The following STRN3 variants were observed in gnomAD, a reference collection of about 807,000 sequenced individuals.
The protein encoded by STRN3 is striatin-3.
In STRN3, 29 loss-of-function variants were observed where a neutral mutation model predicts 95.6. That is an observed-to-expected ratio of 0.30 (90% CI 0.23 to 0.41). The LOEUF (loss-of-function observed/expected upper bound fraction) is 0.41, where lower values mean the gene tolerates loss of function less well. Ranked by LOEUF, STRN3 falls within the 10% of genes least tolerant of loss-of-function variation. The probability of loss-of-function intolerance (pLI) is 1.00; values close to 1 mark genes in which losing one functional copy is unlikely to be tolerated. For synonymous variants in STRN3, 331 were observed against 357.6 expected, an observed-to-expected ratio of 0.93 and a Z score of 0.84; for missense variants, 890 against 972.1, an observed-to-expected ratio of 0.92 and a Z score of 1.12.
At chr14:30,922,056 T>A (rs1469971318) in intron 8 of STRN3, among the ~76,000 whole-genome samples, 1 of 151,390 alleles carries the variant, frequency 6.6e-6, no homozygotes, top group African/African-American at 2.4e-5. Flanking sequence ...TTGGCTAATT[T>A]AAAAAAAAAT....
At chr14:30,918,118 G>A (rs943977428) in intron 9 of STRN3, among the ~76,000 whole-genome samples, 1 of 152,066 alleles carries the variant, frequency 6.6e-6, no homozygotes, top group South Asian at 2.1e-4. Flanking sequence ...ACTAGGTAGC[G>A]TATACTTGCT....
At chr14:30,941,730 A>T (rs920601325) in intron 5 of STRN3, among the ~76,000 whole-genome samples, 25 of 152,056 alleles carry the variant, frequency 1.6e-4, no homozygotes, top group Admixed American at 1.6e-3. Context: ...GGTTCAAGCG[A>T]TTCTCATGCC....
At chr14:30,987,293 G>A (rs1267092851) in intron 1 of STRN3, among the ~76,000 whole-genome samples, 1 of 152,136 alleles carries the variant, frequency 6.6e-6, no homozygotes, top group Non-Finnish European at 1.5e-5. Context: ...GGATCACAGG[G>A]TCAGGAGATC....
intron 1 of STRN3, among the ~76,000 whole-genome samples, chr14:30,966,285 G>C (rs1594510113): frequency 6.6e-6 from 1 of 152,164 alleles, no homozygotes; most frequent in East Asian, 1.9e-4. Flanking sequence ...TGTTCCATCT[G>C]TAAGGGTGCA....
intron 1 of STRN3, among the ~76,000 whole-genome samples, chr14:31,020,467 C>T (rs1166244464): frequency 1.3e-5 from 2 of 151,724 alleles, no homozygotes; most frequent in African/African-American, 4.8e-5. Context: ...CCACTGTACT[C>T]CAGCCTGAGT....
intron 1 of STRN3, among the ~76,000 whole-genome samples, chr14:31,016,880 T>C (rs1042465674): frequency 6.6e-6 from 1 of 152,172 alleles, no homozygotes; most frequent in Non-Finnish European, 1.5e-5. Flanking sequence ...ACTAGCCAGG[T>C]GCAGTAGCTG....
intron 1 of STRN3, among the ~76,000 whole-genome samples, chr14:30,963,646 G>C (rs923688903): frequency 1.3e-5 from 2 of 152,116 alleles, no homozygotes; most frequent in African/African-American, 4.8e-5. Flanking sequence ...CTGACCTCAA[G>C]TGATCTGCCC....
chr14:30,902,171 CAAAAAAAAAAAAAAAAAAAAAAA>C (rs71112350), intron 16 of STRN3, among the ~76,000 whole-genome samples: 451 of 39,876 alleles, frequency 0.011, 7 homozygotes, highest in African/African-American at 0.044. Context: ...AACTCCGCCT[CAAAAAAAAAAAAAAAAAAAAAAA>C]AAAAAAAAAA....
intron 16 of STRN3, among the ~76,000 whole-genome samples, chr14:30,901,597 TTAGC>T (rs1327971449): frequency 6.6e-6 from 1 of 152,200 alleles, no homozygotes; most frequent in African/African-American, 2.4e-5. Flanking sequence ...CCTGACTGTT[TTAGC>T]CTCTCCTCAA....
chr14:30,959,507 GATA>G (rs887719994), intron 1 of STRN3, among the ~76,000 whole-genome samples: 50 of 152,120 alleles, frequency 3.3e-4, no homozygotes, highest in African/African-American at 1.2e-3. Context: ...ACCTGATAGT[GATA>G]ATAACATAAT....
chr14:30,963,007 C>T (rs879710071), intron 1 of STRN3, among the ~76,000 whole-genome samples: 2 of 152,174 alleles, frequency 1.3e-5, no homozygotes, highest in Admixed American at 6.5e-5. Context: ...TGTAAGCATA[C>T]TCTGTGATGT....
At chr14:30,985,587 G>A (rs1881647739) in intron 1 of STRN3, among the ~76,000 whole-genome samples, 1 of 114,656 alleles carries the variant, frequency 8.7e-6, no homozygotes, top group African/African-American at 3.4e-5. Context: ...TGGGCAACGA[G>A]AGCGAAACTC....
intron 1 of STRN3, among the ~76,000 whole-genome samples, chr14:30,990,896 G>T (rs1028219874): frequency 6.6e-6 from 1 of 152,186 alleles, no homozygotes; most frequent in African/African-American, 2.4e-5. Flanking sequence ...CAGTACAGAT[G>T]CAACAGTCCT....
intron 7 of STRN3, among the ~76,000 whole-genome samples, chr14:30,932,747 A>G (rs1878606175): frequency 6.6e-6 from 1 of 152,198 alleles, no homozygotes; most frequent in African/African-American, 2.4e-5. Flanking sequence ...CAAAGAAATA[A>G]TGCCATTCCA....
chr14:30,911,295 CTTTTTTTTTTT>C (rs11297035), intron 12 of STRN3, 133 bp from the exon 13 acceptor site: 3 of 452,334 alleles, frequency 6.6e-6, no homozygotes, highest in East Asian at 8.8e-5. Context: ...CTGACTGGTA[CTTTTTTTTTTT>C]TTTTTTTTTT....
chr14:30,955,622 G>A lies in STRN3; in HGVS notation c.458C>T (p.Ser153Leu), dbSNP rs758678245. Residue 153 changes from serine (S) to leucine (L), a missense_variant and splice_region_variant, in exon 3 of 18, where the codon TCA (serine) becomes TTA (leucine). Coordinates refer to ENST00000357479, the MANE Select transcript of STRN3 (RefSeq NM_001083893.2). Reference sequence around the variant, plus strand: ...AGTAACAGAAGAAGCAAGTTTACCTGACTCAAAGGTTGGCATTTTCAAGTC... The same window carrying A: ...AGTAACAGAAGAAGCAAGTTTACCTAACTCAAAGGTTGGCATTTTCAAGTC... The part of the protein sequence containing the change: ...QGDLKMPTFE[S>L]EETKDTEAPT... The A allele has an allele frequency of 6.4e-7, 1 of 1,567,906 alleles. No homozygotes were observed. The highest frequency in any genetic ancestry group is 8.6e-7 in the Non-Finnish European group (1 of 1,165,598).
chr14:31,011,876 C>T (rs910879246), intron 1 of STRN3, among the ~76,000 whole-genome samples: 15 of 151,980 alleles, frequency 9.9e-5, no homozygotes, highest in Admixed American at 9.2e-4. Context: ...GGTCAGGAGT[C>T]GGAGACCAGC....
chr14:30,895,843 T>C, intron 16 of STRN3, 95 bp from the exon 17 acceptor site: 1 of 1,049,140 alleles, frequency 9.5e-7, no homozygotes, highest in South Asian at 1.7e-5. Context: ...AAACAATCAT[T>C]ATAGCAACTT....
chr14:30,996,793 G>A (rs1344457922), intron 1 of STRN3, among the ~76,000 whole-genome samples: 1 of 151,974 alleles, frequency 6.6e-6, no homozygotes, highest in Non-Finnish European at 1.5e-5. Flanking sequence ...TTGAACCCAG[G>A]AGATGGAGAA....
Sources: gnomAD v4.1 joint callset for allele counts (sites outside exome capture counted in the v4.1 genomes callset) on GRCh38, gnomAD v4.1.1 for gene constraint, MANE v1.5 for transcripts, NCBI Gene and HGNC (gene_info 2026-07-23, HGNC 2026-07-21) for gene names.